Variants in SNX27 observed in about 807,000 individuals in gnomAD.
SNX27 encodes the protein sorting nexin 27.
SNX27 carries 22 observed loss-of-function variants against 71.6 expected under a neutral mutation model. That is an observed-to-expected ratio of 0.31 (90% CI 0.22 to 0.44). The LOEUF (loss-of-function observed/expected upper bound fraction) is 0.44. Among genes scored for constraint, SNX27 ranks in the 20% least tolerant of loss-of-function variants. SNX27 has a pLI of 1.00. For missense variants in SNX27, 531 were observed against 698.6 expected (o/e 0.76, Z 2.70); for synonymous variants, 269 against 277.2 (o/e 0.97, Z 0.29).
rs1474308282 is a variant in SNX27 at position 151,662,300 on chromosome 1, T to C, written c.906+30T>C. 2.1e-6 allele frequency: 3 copies of C among 1,436,802 alleles called. No homozygotes were observed. In the East Asian group the frequency reaches 6.9e-5, roughly 33 times the overall value. 89.0% of individuals were successfully genotyped at this position (1,436,802 alleles called of 1,614,324 possible). On this transcript the variant is annotated intron_variant, in intron 5 of 11. Transcript: ENST00000458013. The stretch of plus-strand genomic sequence containing the variant: ...ATTAAATGAACACGTAGACTTGACA[T>C]TGGATGGTGTGAAGCTAAGGAAGAT...
At position 151,695,285 on chromosome 1, in the gene SNX27, C is replaced by T. The variant is rs559497935; in HGVS notation, c.*868C>T. ...CTCCTGGCTTTCTAGCCACATTCTG[C>T]ACCTCCTTCCTGCTTTCCTAGAGCC... On this transcript the variant is annotated 3_prime_UTR_variant, in exon 12 of 12. Transcript: ENST00000458013. The T allele has an allele frequency of 6.6e-6, 1 of 152,096 alleles. No individual in the cohort carries two copies. The highest frequency in any genetic ancestry group is 2.4e-5 in the African/African-American group (1 of 41,388). 9.4% of individuals were successfully genotyped at this position (152,096 alleles called of 1,614,324 possible).
In SNX27 at chr1:151,612,191, C is replaced by T; in HGVS notation, c.-11C>T. ...CGTAGGGGGCGGGGGTACGGCTCGC[C>T]TGCTCGCAAGATGGCGGACGAGGAC... On this transcript the variant is annotated 5_prime_UTR_variant, in exon 1 of 12. Coordinates refer to ENST00000458013, the MANE Select transcript of SNX27 (RefSeq NM_001330723.2). This position sits in a 1 kb window ranked among gnomAD's most constrained non-coding sequence, Gnocchi z 5.2. 4 of 1,337,990 alleles carry T rather than the reference C, an allele frequency of 3.0e-6. No homozygotes were observed. The highest frequency in any genetic ancestry group is 3.7e-5 in the South Asian group (2 of 54,708). 82.9% of individuals were successfully genotyped at this position (1,337,990 alleles called of 1,614,324 possible).
chr1:151,624,103 T>C (rs1365139691), intron 1 of SNX27, among the ~76,000 whole-genome samples: 2 of 151,962 alleles, frequency 1.3e-5, no homozygotes, highest in Non-Finnish European at 2.9e-5. Flanking sequence ...GCTGGGACTA[T>C]GGGTGTGTGC....
chr1:151,643,822 G>T (rs115542112), intron 2 of SNX27, among the ~76,000 whole-genome samples: 4 of 151,612 alleles, frequency 2.6e-5, no homozygotes, highest in Admixed American at 6.6e-5. Flanking sequence ...CAGCACGCTC[G>T]GCTAATTTTG....
intron 1 of SNX27, among the ~76,000 whole-genome samples, chr1:151,629,848 G>C (rs1668132811): frequency 6.6e-6 from 1 of 151,706 alleles, no homozygotes; most frequent in Non-Finnish European, 1.5e-5. Context: ...CAAAGTGCTG[G>C]GATTACAGGC....
In SNX27 at chr1:151,612,440, A is replaced by G; in HGVS notation, c.239A>G (p.His80Arg). 1 of 1,455,922 alleles carries G rather than the reference A, an allele frequency of 6.9e-7. No individual in the cohort carries two copies. Among genetic ancestry groups the G allele is most frequent in the Non-Finnish European group, 9.1e-7 (1 of 1,104,600 alleles). 90.2% of individuals were successfully genotyped at this position (1,455,922 alleles called of 1,614,324 possible). ...INGELYAPLQ[H>R]VSAVLPGGAA... The stretch of plus-strand genomic sequence containing the variant: ...GGGGAGCTGTACGCGCCGCTGCAGC[A>G]TGTGAGCGCCGTGCTGCCCGGGGGG... The change falls in exon 1 of 12, where the codon CAT (histidine) becomes CGT (arginine). Residue 80 changes from histidine (H) to arginine (R), a missense_variant. His to Arg is a conservative substitution (Grantham distance 29). Transcript: ENST00000458013. The surrounding 1 kb of genome is among the most constrained non-coding windows in gnomAD (Gnocchi z 5.2).
At chr1:151,615,805 G>T (rs1403101586) in intron 1 of SNX27, 2 of 984,600 alleles carry the variant, frequency 2.0e-6, no homozygotes, top group Non-Finnish European at 2.4e-6. Context: ...ACTGACAGTG[G>T]TGTGAAAGAA....
rs573446176 is a variant in SNX27, at chr1:151,697,182, G to C, written c.*2765G>C. ...TTAAATGAATTTAAAATGAGCCAAAGGACCCTGAAAAGAAGACATGTTGAT... is the reference window on the plus strand; with the variant it reads ...TTAAATGAATTTAAAATGAGCCAAACGACCCTGAAAAGAAGACATGTTGAT... On this transcript the variant is annotated 3_prime_UTR_variant, in exon 12 of 12. Transcript: ENST00000458013. 1 of 152,258 alleles carries C rather than the reference G, an allele frequency of 6.6e-6. No individual in the cohort carries two copies. Among genetic ancestry groups the C allele is most frequent in the Admixed American group, 6.5e-5 (1 of 15,298 alleles). The allele number at this position is 152,258 out of a possible 1,614,324, so 9.4% of individuals were successfully genotyped here.
At chr1:151,633,397 A>G (rs984086217) in intron 1 of SNX27, among the ~76,000 whole-genome samples, 1 of 152,030 alleles carries the variant, frequency 6.6e-6, no homozygotes, top group Non-Finnish European at 1.5e-5. Context: ...TCCCAGGTAC[A>G]AGCAATCCTC....
intron 1 of SNX27, among the ~76,000 whole-genome samples, chr1:151,619,895 A>G (rs1667595247): frequency 6.6e-6 from 1 of 152,206 alleles, no homozygotes. Context: ...AGGGAAGGTA[A>G]ACAATTTGCT....
At position 151,668,089 on chromosome 1, in the gene SNX27, T is replaced by C. The variant is rs192871312; in HGVS notation, c.986-383T>C. Among the ~76,000 whole-genome samples, 4 of 152,322 alleles carry C rather than the reference T, an allele frequency of 2.6e-5. No individual in the cohort carries two copies. The East Asian group carries it at 7.7e-4, about 29-fold the overall frequency. On this transcript the variant is annotated intron_variant, in intron 6 of 11. Coordinates refer to ENST00000458013, the MANE Select transcript of SNX27 (RefSeq NM_001330723.2). ...AACATCTTTAAGACTGGGTTCAAAA[T>C]TGGGCATCTGGTAAGGTCCTCAGGC...
chr1:151,661,429 G>A (rs1669962065), intron 4 of SNX27: 1 of 152,484 alleles, frequency 6.6e-6, no homozygotes, highest in African/African-American at 2.4e-5. Context: ...TACAGGCAAG[G>A]GCTTACAATA....
rs1277976106 is a variant in SNX27 at position 151,697,576 on chromosome 1, T to G, written c.*3159T>G. The stretch of plus-strand genomic sequence containing the variant: ...GGAGGGCACCCCAAAGGACAGCGCC[T>G]TCTTCTCTTCCACCCATGCACGGCC... On this transcript the variant is annotated 3_prime_UTR_variant, in exon 12 of 12. Coordinates refer to ENST00000458013, the MANE Select transcript of SNX27 (RefSeq NM_001330723.2). 4 of 152,728 alleles carry G rather than the reference T, an allele frequency of 2.6e-5. No individual in the cohort carries two copies. Among genetic ancestry groups the G allele is most frequent in the Non-Finnish European group, 5.9e-5 (4 of 68,082 alleles). The allele number at this position is 152,728 out of a possible 1,614,324, so 9.5% of individuals were successfully genotyped here.
chr1:151,687,968 A>C (rs975488694), intron 8 of SNX27, among the ~76,000 whole-genome samples: 2 of 143,212 alleles, frequency 1.4e-5, no homozygotes, highest in Non-Finnish European at 3.1e-5. Flanking sequence ...AAACAACGAA[A>C]AACAAAAAAA....
chr1:151,652,155 C>T (rs1669425669), intron 2 of SNX27, among the ~76,000 whole-genome samples: 2 of 139,630 alleles, frequency 1.4e-5, no homozygotes, highest in Non-Finnish European at 1.5e-5. Context: ...AGTCCAGCTT[C>T]GGCTCCGCAT....
intron 7 of SNX27, chr1:151,676,270 A>ATTTTTT: frequency 1.8e-5 from 1 of 56,528 alleles, no homozygotes. Flanking sequence ...AGTGCTATTA[A>ATTTTTT]TTTTTTTTTT....
At chr1:151,651,957 G>C (rs57802172) in intron 2 of SNX27, among the ~76,000 whole-genome samples, 134,827 of 152,030 alleles carry the variant, frequency 0.89, 61,141 homozygotes, top group Non-Finnish European at 0.99. Context: ...CCCGGCACCT[G>C]GGGAGGCCGA....
intron 1 of SNX27, among the ~76,000 whole-genome samples, chr1:151,628,125 G>A (rs1212804815): frequency 2.0e-5 from 3 of 151,360 alleles, no homozygotes; most frequent in Non-Finnish European, 4.4e-5. Flanking sequence ...TCCTGCCGCA[G>A]CCTCTTGAGT....
intron 5 of SNX27, 94 bp from the exon 6 acceptor site, chr1:151,665,839 C>T (rs976958079): frequency 3.1e-5 from 30 of 968,792 alleles, no homozygotes; most frequent in Non-Finnish European, 4.5e-5. Context: ...CAGAACCTCT[C>T]CCCTTTCCCT....
Sources: allele counts gnomAD v4.1 joint callset (sites outside exome capture counted in the v4.1 genomes callset), GRCh38; gene constraint gnomAD v4.1.1; non-coding constraint Gnocchi (gnomAD v3.1); transcripts MANE v1.5; gene names NCBI Gene and HGNC (gene_info 2026-07-23, HGNC 2026-07-21).